Variants in CRIM1 observed in about 807,000 individuals in gnomAD.
The protein encoded by CRIM1 is cysteine-rich motor neuron 1 protein.
CRIM1 carries 32 observed loss-of-function variants against 116.4 expected under a neutral mutation model. The ratio of observed to expected loss-of-function variants is 0.27; its 90% CI spans 0.21 to 0.37. The LOEUF (loss-of-function observed/expected upper bound fraction) is 0.37. CRIM1 is among the 10% of genes least tolerant of loss of function. The pLI is 1.00. For synonymous variants in CRIM1, 590 were observed against 509.2 expected, an observed-to-expected ratio of 1.16 and a Z score of -2.13; for missense variants, 1,331 against 1,354.8, an observed-to-expected ratio of 0.98 and a Z score of 0.28.
chr2:36,388,659 G>C (rs1671349927), intron 1 of CRIM1, among the ~76,000 whole-genome samples: 1 of 152,078 alleles, frequency 6.6e-6, no homozygotes, highest in Non-Finnish European at 1.5e-5. Context: ...TCCCCCTCTG[G>C]GCTGTTTCTT....
At chr2:36,516,729 A>G (rs1187601452) in intron 11 of CRIM1, among the ~76,000 whole-genome samples, 1 of 152,168 alleles carries the variant, frequency 6.6e-6, no homozygotes, top group East Asian at 1.9e-4. Flanking sequence ...TCCAAGCATA[A>G]AAGTACTCAG....
chr2:36,546,502 GATTA>G (rs1667340968), intron 15 of CRIM1, among the ~76,000 whole-genome samples: 3 of 152,064 alleles, frequency 2.0e-5, no homozygotes, highest in African/African-American at 4.8e-5. Flanking sequence ...CTTCCTGATT[GATTA>G]GTTTTAATCT....
chr2:36,406,713 C>T (rs952265665), intron 2 of CRIM1, among the ~76,000 whole-genome samples: 13 of 149,982 alleles, frequency 8.7e-5, no homozygotes, highest in African/African-American at 3.2e-4. Context: ...TTGCAAGGGC[C>T]ATGCCCTCTT....
rs200582106 is a variant in CRIM1 at position 36,547,158 on chromosome 2, G to A, written c.2921G>A (p.Arg974Gln). 9.9e-6 allele frequency: 16 copies of A among 1,611,030 alleles called. No homozygotes were observed. The highest frequency in any genetic ancestry group is 2.7e-5 in the African/African-American group (2 of 74,782). The change falls in exon 16 of 17, where the codon CGA becomes CAA. Residue 974 changes from arginine to glutamine, a missense_variant. By Grantham distance (43) the Arg-to-Gln change is conservative. Around this residue, in one of 3 missense-constraint regions of CRIM1, gnomAD observed 283 missense variants for 242.8 expected, o/e 1.17. Coordinates refer to ENST00000280527, the MANE Select transcript of CRIM1 (RefSeq NM_016441.3). ...KQWIPLLCWYRTPTKPSSLNN... is the reference protein window; with the variant it reads ...KQWIPLLCWYQTPTKPSSLNN... ...TGGATACCACTGCTTTGCTGGTATC[G>A]AACACCAACTAAGGTACTGTCTTGC...
chr2:36,529,048 C>G (rs1665942365), intron 13 of CRIM1: 1 of 467,964 alleles, frequency 2.1e-6, no homozygotes, highest in East Asian at 7.0e-5. Flanking sequence ...CCGCTCCAGC[C>G]CCACGTTCTT....
rs1425122477 is a variant in CRIM1 at position 36,394,074 on chromosome 2, C to T, written c.332-2540C>T. 4.6e-5 allele frequency among the ~76,000 whole-genome samples: 7 copies of T among 152,042 alleles called. No homozygotes were observed. In the East Asian group the frequency reaches 1.3e-3, roughly 29 times the overall value. On this transcript the variant is annotated intron_variant, in intron 1 of 16. Coordinates refer to ENST00000280527, the MANE Select transcript of CRIM1 (RefSeq NM_016441.3). ...TTGTGGTAATTCAGGAGAGTGGTGT[C>T]TTCAGGGAGTTCCAGTTAGAATGGT... is the stretch of plus-strand genomic sequence containing the variant.
chr2:36,439,935 C>T (rs1317975193), intron 2 of CRIM1, among the ~76,000 whole-genome samples: 1 of 152,152 alleles, frequency 6.6e-6, no homozygotes, highest in African/African-American at 2.4e-5. Context: ...GCTGCTGAAG[C>T]AACAGGTGCT....
intron 12 of CRIM1, among the ~76,000 whole-genome samples, chr2:36,518,288 G>A (rs1665159724): frequency 6.6e-6 from 1 of 152,046 alleles, no homozygotes; most frequent in Non-Finnish European, 1.5e-5. Flanking sequence ...AAGTTGACAG[G>A]ACTAGTTTTG....
intron 7 of CRIM1, among the ~76,000 whole-genome samples, chr2:36,490,972 T>G: frequency 6.6e-6 from 1 of 152,206 alleles, no homozygotes. Context: ...CTTGTCAGTC[T>G]CTAATTAAGC....
intron 1 of CRIM1, among the ~76,000 whole-genome samples, chr2:36,376,123 G>A (rs1004957115): frequency 1.3e-5 from 2 of 152,184 alleles, no homozygotes; most frequent in Non-Finnish European, 2.9e-5. Context: ...CATAGGGCCT[G>A]TAGCTCCTGT....
chr2:36,382,672 G>A (rs1670872357), intron 1 of CRIM1, among the ~76,000 whole-genome samples: 1 of 152,232 alleles, frequency 6.6e-6, no homozygotes, highest in Non-Finnish European at 1.5e-5. Flanking sequence ...CCAGTGTGAT[G>A]CTCCAGGCAG....
chr2:36,513,157 AC>A (rs1664802084), intron 10 of CRIM1: 1 of 217,152 alleles, frequency 4.6e-6, no homozygotes, highest in African/African-American at 2.3e-5. Context: ...GTTCTGCTGA[AC>A]AAAACTCTGT....
intron 4 of CRIM1, among the ~76,000 whole-genome samples, chr2:36,461,342 T>A (rs1055770618): frequency 2.6e-5 from 4 of 152,092 alleles, no homozygotes; most frequent in Non-Finnish European, 5.9e-5. Context: ...TTGCTCCTTA[T>A]CCAGAGATGG....
chr2:36,364,264 A>G (rs1669439919), intron 1 of CRIM1, among the ~76,000 whole-genome samples: 1 of 152,246 alleles, frequency 6.6e-6, no homozygotes, highest in Non-Finnish European at 1.5e-5. Flanking sequence ...ACTTTTAAGT[A>G]GCACAAAGCT....
intron 5 of CRIM1, among the ~76,000 whole-genome samples, 153 bp downstream of exon 5, chr2:36,464,808 A>C (rs711252): frequency 0.59 from 90,397 of 152,030 alleles, 27,485 homozygotes; most frequent in South Asian, 0.75. Flanking sequence ...TAAGATCCAC[A>C]GTGCAGTAAA....
At position 36,477,064 on chromosome 2, in the gene CRIM1, G is replaced by T. The variant is rs1225275601; in HGVS notation, c.1167G>T (p.Val389=). Residue 389 remains valine (V), a synonymous_variant, in exon 6 of 17, where the codon GTG becomes GTT. Coordinates refer to ENST00000280527, the MANE Select transcript of CRIM1 (RefSeq NM_016441.3). ...YYVPEGECCP[V]CEDPVYPFNN... ...TGCCCGAAGGAGAGTGCTGCCCAGTGTGTGAAGGTAAGAAAAGGTGCTAAT... is the reference window on the plus strand; with the variant it reads ...TGCCCGAAGGAGAGTGCTGCCCAGTTTGTGAAGGTAAGAAAAGGTGCTAAT... 1.2e-6 allele frequency: 2 copies of T among 1,608,324 alleles called. No homozygotes were observed. Among genetic ancestry groups the T allele is most frequent in the Non-Finnish European group, 1.7e-6 (2 of 1,177,778 alleles).
rs373616193 is a variant in CRIM1 at position 36,477,156 on chromosome 2, C to T, written c.1174+85C>T. On this transcript the variant is annotated intron_variant, in intron 6 of 16. Transcript: ENST00000280527. ...CAAAATCGTCCTAATTCAGTCTCAT[C>T]CAAAAGTAAAGGAATATTGAAGTTC... 4 of 1,108,516 alleles carry T rather than the reference C, an allele frequency of 3.6e-6. No homozygotes were observed. In the African/African-American group the frequency reaches 4.9e-5, roughly 13 times the overall value. The allele number at this position is 1,108,516 out of a possible 1,614,324, so 68.7% of individuals were successfully genotyped here.
chr2:36,385,012 T>A (rs563320780), intron 1 of CRIM1, among the ~76,000 whole-genome samples: 12 of 152,276 alleles, frequency 7.9e-5, no homozygotes, highest in African/African-American at 2.4e-4. Flanking sequence ...GCAAATTTTG[T>A]TTTGTTGCTA....
intron 14 of CRIM1, among the ~76,000 whole-genome samples, chr2:36,543,404 C>A (rs986460505): frequency 6.6e-6 from 1 of 152,146 alleles, no homozygotes. Context: ...ATTATTAATC[C>A]TATTTTAATT....
Sources: gnomAD v4.1 joint callset for allele counts (sites outside exome capture counted in the v4.1 genomes callset) on GRCh38, gnomAD v4.1.1 for gene constraint, gnomAD v4.1.1 regional missense constraint, MANE v1.5 for transcripts, NCBI Gene and HGNC (gene_info 2026-07-23, HGNC 2026-07-21) for gene names.